The following CCL3L3 variants were observed in gnomAD, a reference collection of about 807,000 sequenced individuals.
The protein encoded by CCL3L3 is C-C motif chemokine 3-like 1.
Under a neutral mutation model 9.0 loss-of-function variants are expected in CCL3L3, and 6 were observed. The observed-to-expected ratio is 0.67, with a 90% CI of 0.37 to 1.32. CCL3L3 has a LOEUF of 1.32. Among genes scored for constraint, CCL3L3 ranks in the 40% most tolerant of loss-of-function variants. CCL3L3 has a pLI of 0.02. For missense variants in CCL3L3, 93 were observed against 117.0 expected, an observed-to-expected ratio of 0.79 and a Z score of 0.95; for synonymous variants, 38 against 45.7, an observed-to-expected ratio of 0.83 and a Z score of 0.68.
chr17:36,196,507 C>G, intron 1 of CCL3L3, 91 bp downstream of exon 1: 1 of 1,427,864 alleles, frequency 7.0e-7, no homozygotes. Context: ...TCCTTCTTTT[C>G]TCTTCGGGGC....
intron 1 of CCL3L3, 86 bp from the exon 2 acceptor site, chr17:36,195,998 C>T: frequency 2.3e-6 from 3 of 1,310,880 alleles, no homozygotes; most frequent in Non-Finnish European, 3.1e-6. Flanking sequence ...TTGAGGAGGG[C>T]AGGCTTGCTC....
chr17:36,195,646 C>A, intron 2 of CCL3L3, 152 bp downstream of exon 2: 1 of 1,177,124 alleles, frequency 8.5e-7, no homozygotes, highest in Non-Finnish European at 1.3e-6. Flanking sequence ...TCACTCCAGC[C>A]CCAAGTCAGG....
At chr17:36,195,956 A>C in intron 1 of CCL3L3, 44 bp from the exon 2 acceptor site, 21 of 1,209,442 alleles carry the variant, frequency 1.7e-5, no homozygotes, top group Non-Finnish European at 2.3e-5. Flanking sequence ...AGCTCAGAAG[A>C]AAAGGCCAGG....
In CCL3L3 at chr17:36,196,175, C is replaced by T. The variant is rs1265943496; in HGVS notation, c.77-263G>A. On this transcript the variant is annotated intron_variant, in intron 1 of 2. Transcript: ENST00000619989. ...CTTAGCTCTCTTCATGGAATTTTGTCGGTTCAAGAAGTCATACCCCAGCCC... is the reference window on the plus strand; with the variant it reads ...CTTAGCTCTCTTCATGGAATTTTGTTGGTTCAAGAAGTCATACCCCAGCCC... The T allele has an allele frequency of 4.2e-5, 26 of 626,248 alleles. No homozygotes were observed. The Middle Eastern group carries it at 1.4e-3, about 33-fold the overall frequency. The allele number at this position is 626,248 out of a possible 1,614,324, so 38.8% of individuals were successfully genotyped here. A position where few individuals can be genotyped will look rare whatever the true frequency, so the allele number is the denominator to read the frequency against.
intron 1 of CCL3L3, 172 bp from the exon 2 acceptor site, chr17:36,196,084 C>T (rs1567646508): frequency 2.6e-6 from 2 of 771,942 alleles, no homozygotes; most frequent in Admixed American, 2.2e-5. Context: ...TTCCTCTTTC[C>T]CCTTGACTCT....
Position 36,195,794 on chromosome 17 carries a change from T to G in CCL3L3, c.191+4A>C. ...TAGAGGTGAGCAGGAAGACTGGCAC[T>G]TACATGACACTGGGCTTGGAGCACT... On this transcript the variant is annotated splice_donor_region_variant and intron_variant, in intron 2 of 2. Transcript: ENST00000619989. 6.3e-7 allele frequency: 1 copy of G among 1,582,880 alleles called. No homozygotes were observed. The highest frequency in any genetic ancestry group is 1.1e-5 in the South Asian group (1 of 89,220).
intron 1 of CCL3L3, 77 bp downstream of exon 1, chr17:36,196,521 C>T (rs2068622634): frequency 6.7e-7 from 1 of 1,493,990 alleles, no homozygotes; most frequent in Non-Finnish European, 9.3e-7. Context: ...TCGGGGCTCT[C>T]AGGCCACAAA....
chr17:36,196,571 A>T (rs2068623442), intron 1 of CCL3L3, 27 bp downstream of exon 1: 1 of 1,577,010 alleles, frequency 6.3e-7, no homozygotes, highest in Admixed American at 1.7e-5. Flanking sequence ...GAGAGTGGTG[A>T]TACCCACAAC....
chr17:36,195,808 G>A lies in CCL3L3; in HGVS notation c.181C>T (p.Pro61Ser). The stretch of plus-strand genomic sequence containing the variant: ...AAGACTGGCACTTACATGACACTGG[G>A]CTTGGAGCACTGGCTGCTCGTCTCA... Reference protein sequence around the residue: ...YFETSSQCSKPSVIFLTKRGR... With the variant: ...YFETSSQCSKSSVIFLTKRGR... Residue 61 changes from proline (P) to serine (S), a missense_variant, in exon 2 of 3, where the codon CCC becomes TCC. Pro to Ser is a moderately conservative substitution (Grantham distance 74). Transcript: ENST00000619989. The A allele has an allele frequency of 6.3e-7, 1 of 1,583,084 alleles. No homozygotes were observed. Among genetic ancestry groups the A allele is most frequent in the Non-Finnish European group, 8.6e-7 (1 of 1,157,742 alleles).
chr17:36,196,677 T>TG lies in CCL3L3; in HGVS notation c.-5dup. On this transcript the variant is annotated 5_prime_UTR_variant, in exon 1 of 3. Transcript: ENST00000619989. ...GGGCAGCAGTGGAGACCTGCATGAT[T>TG]GGGAGCAGGTGATGGAATGTGGGCT... 1 of 1,580,442 alleles carries TG rather than the reference T, an allele frequency of 6.3e-7. No individual in the cohort carries two copies.
rs2068605073 is a variant in CCL3L3, at chr17:36,195,011, C to T, written c.*275G>A. ...CCGATGACAGCCACTCGGTTGTCAC[C>T]AGACACACTGTGAGGGAAGGTGGAG... On this transcript the variant is annotated 3_prime_UTR_variant, in exon 3 of 3. Coordinates refer to ENST00000619989, the MANE Select transcript of CCL3L3 (RefSeq NM_001001437.4). 1 of 428,888 alleles carries T rather than the reference C, an allele frequency of 2.3e-6. No individual in the cohort carries two copies. Among genetic ancestry groups the T allele is most frequent in the Non-Finnish European group, 4.4e-6 (1 of 228,850 alleles). The allele number at this position is 428,888 out of a possible 1,614,324, so 26.6% of individuals were successfully genotyped here.
chr17:36,195,494 A>G, intron 2 of CCL3L3, 118 bp from the exon 3 acceptor site: 2 of 1,389,720 alleles, frequency 1.4e-6, no homozygotes, highest in Non-Finnish European at 2.0e-6. Context: ...CTCCTCTCTC[A>G]GGGGCCCCCT....
intron 1 of CCL3L3, chr17:36,196,275 G>C: frequency 3.1e-6 from 2 of 647,960 alleles, no homozygotes; most frequent in Non-Finnish European, 5.8e-6. Context: ...GAGCTGGAGA[G>C]TGAAGAACAG....
Position 36,196,596 on chromosome 17 carries a change from A to G in CCL3L3, c.76+2T>C. 1 of 1,581,200 alleles carries G rather than the reference A, an allele frequency of 6.3e-7. No homozygotes were observed. The highest frequency in any genetic ancestry group is 8.6e-7 in the Non-Finnish European group (1 of 1,156,390). On this transcript the variant is annotated splice_donor_variant, in intron 1 of 2. Transcript: ENST00000619989. LOFTEE classifies it high-confidence loss of function. Reference sequence around the variant, plus strand: ...ATACCCACAACAACAACATGGACTCACGTGGTGCAGAGAGGACCTGGTTGC... The same window carrying G: ...ATACCCACAACAACAACATGGACTCGCGTGGTGCAGAGAGGACCTGGTTGC...
Position 36,195,219 on chromosome 17 carries a change from G to A in CCL3L3, c.*67C>T. The A allele has an allele frequency of 6.6e-7, 1 of 1,520,226 alleles. No individual in the cohort carries two copies. The highest frequency in any genetic ancestry group is 9.1e-7 in the Non-Finnish European group (1 of 1,100,066). The allele number at this position is 1,520,226 out of a possible 1,614,324, so 94.2% of individuals were successfully genotyped here. On this transcript the variant is annotated 3_prime_UTR_variant, in exon 3 of 3. Transcript: ENST00000619989. ...GTGGAGGTCACACGCATGTTCCCAAGGCTCAGGCTCCTGCTCCTCCCCACT... is the reference window on the plus strand; with the variant it reads ...GTGGAGGTCACACGCATGTTCCCAAAGCTCAGGCTCCTGCTCCTCCCCACT...
intron 1 of CCL3L3, 29 bp downstream of exon 1, chr17:36,196,569 T>C: frequency 5.1e-6 from 8 of 1,575,430 alleles, no homozygotes; most frequent in Non-Finnish European, 6.9e-6. Flanking sequence ...CAGAGAGTGG[T>C]GATACCCACA....
rs1482680565 is a variant in CCL3L3, at chr17:36,195,668, T to A, written c.191+130A>T. On this transcript the variant is annotated intron_variant, in intron 2 of 2. Transcript: ENST00000619989. ...AGCCCCAAGTCAGGTCACACCTCAG[T>A]GCCCTGCGTCCTGTATCCCCGATAG... 328 of 1,287,140 alleles carry A rather than the reference T, an allele frequency of 2.5e-4. 25 individuals carry two copies. The Middle Eastern group carries it at 4.0e-3, about 16-fold the overall frequency. 79.7% of individuals were successfully genotyped at this position (1,287,140 alleles called of 1,614,324 possible).
intron 2 of CCL3L3, chr17:36,195,588 C>G: frequency 3.0e-6 from 3 of 1,012,344 alleles, no homozygotes; most frequent in Non-Finnish European, 4.7e-6. Flanking sequence ...TCTTCCTGTC[C>G]CTTTCCTCTG....
intron 2 of CCL3L3, chr17:36,195,578 T>C (rs1183251595): frequency 1.5e-5 from 15 of 1,020,924 alleles, no homozygotes; most frequent in South Asian, 3.9e-5. Context: ...GCTGCCTCCT[T>C]CTTCCTGTCC....
Sources: allele counts gnomAD v4.1 joint callset, GRCh38; gene constraint gnomAD v4.1.1; transcripts MANE v1.5; gene names NCBI Gene and HGNC (gene_info 2026-07-23, HGNC 2026-07-21).